SLC39A11: variants seen among roughly 807,000 people sequenced by gnomAD.
The protein encoded by SLC39A11 is zinc transporter ZIP11.
In SLC39A11, 33 loss-of-function variants were observed where a neutral mutation model predicts 36.1. That is an observed-to-expected ratio of 0.91 (90% confidence interval 0.69 to 1.22). The LOEUF (loss-of-function observed/expected upper bound fraction) is 1.22. SLC39A11 is among the 50% of genes most tolerant of loss of function. The pLI is 0.00. For synonymous variants in SLC39A11, 166 were observed against 170.3 expected, an observed-to-expected ratio of 0.97 and a Z score of 0.20; for missense variants, 432 against 430.3, an observed-to-expected ratio of 1.00 and a Z score of -0.03.
chr17:73,063,244 G>C (rs1453026449), intron 3 of SLC39A11, among the ~76,000 whole-genome samples: 2 of 152,140 alleles, frequency 1.3e-5, no homozygotes, highest in African/African-American at 4.8e-5. Context: ...GAATCAATTG[G>C]ATTGACTTGG....
chr17:72,688,865 T>C (rs2071879211), intron 7 of SLC39A11, among the ~76,000 whole-genome samples: 1 of 152,128 alleles, frequency 6.6e-6, no homozygotes, highest in Non-Finnish European at 1.5e-5. Context: ...ACTCCAGAAA[T>C]ATGGCTGCAG....
chr17:72,983,408 C>G (rs749465015), intron 4 of SLC39A11, among the ~76,000 whole-genome samples: 2 of 152,176 alleles, frequency 1.3e-5, no homozygotes, highest in African/African-American at 4.8e-5. Context: ...CTCGGCCTCC[C>G]GAAGTGCTGG....
intron 3 of SLC39A11, among the ~76,000 whole-genome samples, chr17:73,060,451 TC>T (rs2059808434): frequency 6.6e-6 from 1 of 152,182 alleles, no homozygotes; most frequent in Admixed American, 6.5e-5. Context: ...ACCTTTGAAG[TC>T]TTTATCACTC....
intron 6 of SLC39A11, chr17:72,821,924 G>A (rs1310181030): frequency 1.3e-5 from 2 of 151,478 alleles, no homozygotes; most frequent in Non-Finnish European, 3.0e-5. Context: ...CCTCTTCCCT[G>A]GGTCCATTCC....
Position 73,032,196 on chromosome 17 carries a change from G to A in SLC39A11, c.148-482C>T, listed in dbSNP as rs534826209. The stretch of plus-strand genomic sequence containing the variant: ...CAAATGTCAATGAGAATGCTGTTGC[G>A]AATTCCTATTCTTTTTTTTTTTTTT... On this transcript the variant is annotated intron_variant, in intron 3 of 9. Transcript: ENST00000255559. 4.7e-5 allele frequency among the ~76,000 whole-genome samples: 7 copies of A among 150,322 alleles called. No homozygotes were observed. In the South Asian group the frequency reaches 1.3e-3, roughly 27 times the overall value.
chr17:73,020,960 C>A (rs2058331307), intron 4 of SLC39A11, among the ~76,000 whole-genome samples: 2 of 152,126 alleles, frequency 1.3e-5, no homozygotes, highest in African/African-American at 4.8e-5. Context: ...AGATTACAGG[C>A]ATGAGCCACC....
At chr17:73,068,374 T>G (rs1017439435) in intron 3 of SLC39A11, 3 of 482,706 alleles carry the variant, frequency 6.2e-6, no homozygotes, top group Non-Finnish European at 1.1e-5. Flanking sequence ...CTAATCCTCA[T>G]AGATATGGAT....
At chr17:73,052,042 T>G (rs2059522303) in intron 3 of SLC39A11, among the ~76,000 whole-genome samples, 3 of 151,820 alleles carry the variant, frequency 2.0e-5, no homozygotes, top group Admixed American at 2.0e-4. Context: ...CATCAAGTGG[T>G]CGTGAAGACA....
chr17:72,891,665 G>A (rs1006636471), intron 5 of SLC39A11, among the ~76,000 whole-genome samples: 1 of 151,428 alleles, frequency 6.6e-6, no homozygotes, highest in Non-Finnish European at 1.5e-5. Flanking sequence ...TTCCCTCTTT[G>A]GTTTTAAACC....
At chr17:72,973,354 C>T (rs946614659) in intron 4 of SLC39A11, among the ~76,000 whole-genome samples, 14 of 151,816 alleles carry the variant, frequency 9.2e-5, no homozygotes, top group Non-Finnish European at 1.3e-4. Context: ...TGAGTGATGG[C>T]TGTCGCACCC....
chr17:72,753,521 T>TC (rs2075235573), intron 6 of SLC39A11, among the ~76,000 whole-genome samples: 1 of 152,242 alleles, frequency 6.6e-6, no homozygotes, highest in Non-Finnish European at 1.5e-5. Flanking sequence ...ATGAGCATGA[T>TC]AAATATGCTC....
intron 5 of SLC39A11, chr17:72,947,520 A>G: frequency 1.7e-6 from 1 of 600,678 alleles, no homozygotes; most frequent in South Asian, 2.1e-5. Context: ...ATCAAAAGGT[A>G]CCGTTACCTT....
intron 4 of SLC39A11, among the ~76,000 whole-genome samples, chr17:72,967,370 C>CAGACAGAGAGAGAGAG (rs1555655754): frequency 9.1e-6 from 1 of 110,034 alleles, no homozygotes; most frequent in Admixed American, 1.0e-4. Context: ...TAAGCATGCT[C>CAGACAGAGAGAGAGAG]AGAGAGAGAG....
chr17:72,796,717 C>T lies in SLC39A11; in HGVS notation c.601+52917G>A, dbSNP rs541932196. Among the ~76,000 whole-genome samples, 9 of 152,162 alleles carry T rather than the reference C, an allele frequency of 5.9e-5. No individual in the cohort carries two copies. In the South Asian group the frequency reaches 1.0e-3, roughly 18 times the overall value. On this transcript the variant is annotated intron_variant, in intron 6 of 9. Transcript: ENST00000255559. ...TCCAGCAGCATCACCACCTCAAATT[C>T]GATGCTGACTTAGCACTGACTAAGT...
chr17:72,835,549 C>T (rs2078492934), intron 6 of SLC39A11, among the ~76,000 whole-genome samples: 1 of 152,224 alleles, frequency 6.6e-6, no homozygotes, highest in South Asian at 2.1e-4. Context: ...CAGCCTCTAC[C>T]TCCTGGGCTC....
At chr17:72,834,767 C>A (rs185772634) in intron 6 of SLC39A11, among the ~76,000 whole-genome samples, 1 of 152,284 alleles carries the variant, frequency 6.6e-6, no homozygotes, top group East Asian at 1.9e-4. Flanking sequence ...TATTCAAATT[C>A]TCTTGCTTTA....
At chr17:72,994,647 G>A (rs1456267035) in intron 4 of SLC39A11, among the ~76,000 whole-genome samples, 1 of 152,126 alleles carries the variant, frequency 6.6e-6, no homozygotes, top group Non-Finnish European at 1.5e-5. Flanking sequence ...CTGAGCTCTG[G>A]TACTCCACAA....
At chr17:73,069,261 T>G (rs577997271) in intron 3 of SLC39A11, among the ~76,000 whole-genome samples, 1 of 152,320 alleles carries the variant, frequency 6.6e-6, no homozygotes, top group South Asian at 2.1e-4. Flanking sequence ...TTTTGTTCAT[T>G]ACGTTCTTAA....
chr17:72,731,535 T>G (rs961187352), intron 7 of SLC39A11, among the ~76,000 whole-genome samples: 1 of 41,654 alleles, frequency 2.4e-5, no homozygotes, highest in Non-Finnish European at 4.5e-5. Context: ...TGCAACCTTA[T>G]GCAGTTTTTT....
Sources: gnomAD v4.1 joint callset for allele counts (sites outside exome capture counted in the v4.1 genomes callset) on GRCh38, gnomAD v4.1.1 for gene constraint, MANE v1.5 for transcripts, NCBI Gene and HGNC (gene_info 2026-07-23, HGNC 2026-07-21) for gene names.